LUZP2: variants seen among roughly 807,000 people sequenced by gnomAD.
The protein encoded by LUZP2 is leucine zipper protein 2.
A neutral mutation model predicts 51.6 loss-of-function variants in LUZP2; 52 were observed. That is an observed-to-expected ratio of 1.01 (90% confidence interval 0.81 to 1.27). LUZP2 has a LOEUF of 1.27. Among genes scored for constraint, LUZP2 ranks in the 50% most tolerant of loss-of-function variants. The pLI is 0.00. For missense variants in LUZP2, 436 were observed against 395.4 expected (o/e 1.10, Z -0.87); for synonymous variants, 154 against 137.3 (o/e 1.12, Z -0.85).
chr11:24,938,470 T>C (rs1466551311), intron 7 of LUZP2, among the ~76,000 whole-genome samples: 2 of 152,226 alleles, frequency 1.3e-5, no homozygotes, highest in Non-Finnish European at 2.9e-5. Flanking sequence ...AATTTGGTTT[T>C]ATACTTTGTT....
chr11:24,738,734 G>A (rs547411708), intron 4 of LUZP2, among the ~76,000 whole-genome samples: 23 of 151,954 alleles, frequency 1.5e-4, no homozygotes, highest in Non-Finnish European at 2.9e-4. Context: ...TTATTCTAAT[G>A]CATCCCCAAA....
chr11:24,777,977 T>C (rs1213382139), intron 5 of LUZP2, among the ~76,000 whole-genome samples: 1 of 152,170 alleles, frequency 6.6e-6, no homozygotes, highest in Non-Finnish European at 1.5e-5. Flanking sequence ...AGGCACTTGA[T>C]AAATACTTGT....
chr11:24,837,302 T>C lies in LUZP2; in HGVS notation c.397-68689T>C, dbSNP rs141371331. Among the ~76,000 whole-genome samples, 1,117 of 151,866 alleles carry C rather than the reference T, an allele frequency of 7.4e-3. 9 individuals carry two copies. Among genetic ancestry groups the C allele is most frequent in the Middle Eastern group, 0.051 (15 of 294 alleles). On this transcript the variant is annotated intron_variant, in intron 5 of 11. Coordinates refer to ENST00000336930, the MANE Select transcript of LUZP2 (RefSeq NM_001009909.4). ...AGAACACAAAACAGATTTCAAGGCTTATTTGGACAAGAGGTAGTTACTCAT... is the reference window on the plus strand; with the variant it reads ...AGAACACAAAACAGATTTCAAGGCTCATTTGGACAAGAGGTAGTTACTCAT...
At position 24,826,190 on chromosome 11, in the gene LUZP2, A is replaced by AAAAAAATAT. The variant is rs1215786412; in HGVS notation, c.396+62883_396+62884insAAAAATATA. On this transcript the variant is annotated intron_variant, in intron 5 of 11. Transcript: ENST00000336930. ...GACTCCATCTCAAAAAAAAAAAAAA[A>AAAAAAATAT]ATATATATATATATATATAGTAAAA... Among the ~76,000 whole-genome samples, 71 of 67,546 alleles carry AAAAAAATAT rather than the reference A, an allele frequency of 1.1e-3. 1 individual carries two copies. Among genetic ancestry groups the AAAAAAATAT allele is most frequent in the South Asian group, 3.7e-3 (7 of 1,890 alleles). The allele number at this position is 67,546 out of a possible 152,430, so 44.3% of individuals were successfully genotyped here.
chr11:24,748,366 A>G (rs910793090), intron 4 of LUZP2, among the ~76,000 whole-genome samples: 23 of 151,902 alleles, frequency 1.5e-4, no homozygotes, highest in African/African-American at 2.9e-4. Context: ...CCCTTTCCCA[A>G]TTCCACGGTT....
At chr11:24,609,658 G>A (rs1854049528) in intron 1 of LUZP2, among the ~76,000 whole-genome samples, 1 of 147,296 alleles carries the variant, frequency 6.8e-6, no homozygotes, top group Non-Finnish European at 1.5e-5. Context: ...TTAACCCTGG[G>A]GGCGGAGGTT....
intron 1 of LUZP2, among the ~76,000 whole-genome samples, chr11:24,599,170 T>C (rs943845030): frequency 2.6e-5 from 4 of 152,174 alleles, no homozygotes; most frequent in Admixed American, 1.3e-4. Flanking sequence ...AAGATAGTCA[T>C]GCTTTAGGTC....
At chr11:24,575,816 G>A (rs1389915520) in intron 1 of LUZP2, among the ~76,000 whole-genome samples, 1 of 151,894 alleles carries the variant, frequency 6.6e-6, no homozygotes, top group Admixed American at 6.6e-5. Context: ...CAGCATTTTT[G>A]CCTTTCTCTC....
chr11:24,970,510 T>G (rs1313665859), intron 7 of LUZP2, among the ~76,000 whole-genome samples: 1 of 152,150 alleles, frequency 6.6e-6, no homozygotes, highest in Non-Finnish European at 1.5e-5. Context: ...AAAAATTGTA[T>G]CAAAGAGTTA....
rs1856290191 is a variant in LUZP2 at position 24,989,959 on chromosome 11, G to T, written c.765+6666G>T. 2.0e-5 allele frequency among the ~76,000 whole-genome samples: 3 copies of T among 152,030 alleles called. No individual in the cohort carries two copies. In the South Asian group the frequency reaches 6.2e-4, roughly 32 times the overall value. ...TTTTCCATCAGTTCCTAATCACTGG[G>T]CACCTAAATTGCAATTGTCATCTGT... is the stretch of plus-strand genomic sequence containing the variant. On this transcript the variant is annotated intron_variant, in intron 9 of 11. Coordinates refer to ENST00000336930, the MANE Select transcript of LUZP2 (RefSeq NM_001009909.4).
chr11:24,539,526 T>C (rs1851289482), intron 1 of LUZP2, among the ~76,000 whole-genome samples: 1 of 151,984 alleles, frequency 6.6e-6, no homozygotes, highest in Admixed American at 6.6e-5. Flanking sequence ...GCATACACTA[T>C]GCTTTTATAA....
chr11:24,656,392 G>A (rs1194490565), intron 1 of LUZP2, among the ~76,000 whole-genome samples: 1 of 152,176 alleles, frequency 6.6e-6, no homozygotes, highest in Non-Finnish European at 1.5e-5. Context: ...GGTAGATAGA[G>A]GCTTGGTTAC....
chr11:24,499,011 G>A (rs896542176), intron 1 of LUZP2, among the ~76,000 whole-genome samples: 1 of 151,958 alleles, frequency 6.6e-6, no homozygotes, highest in African/African-American at 2.4e-5. Flanking sequence ...TCTAATACAG[G>A]GTCAAAAAGC....
intron 1 of LUZP2, among the ~76,000 whole-genome samples, chr11:24,617,271 A>G (rs1437596497): frequency 1.3e-5 from 2 of 148,236 alleles, no homozygotes; most frequent in African/African-American, 5.0e-5. Context: ...TTGAGTTTTT[A>G]ACTTTGTTTT....
At chr11:24,984,219 C>T (rs1434890083) in intron 9 of LUZP2, among the ~76,000 whole-genome samples, 2 of 151,382 alleles carry the variant, frequency 1.3e-5, no homozygotes, top group Non-Finnish European at 3.0e-5. Context: ...ACCACTAATG[C>T]AAATACCTAA....
intron 1 of LUZP2, among the ~76,000 whole-genome samples, chr11:24,706,053 A>C (rs1453104618): frequency 6.6e-6 from 1 of 152,070 alleles, no homozygotes; most frequent in African/African-American, 2.4e-5. Context: ...CAATGAAAAA[A>C]TTTTCACTGT....
At chr11:24,940,851 A>G (rs969689121) in intron 7 of LUZP2, among the ~76,000 whole-genome samples, 3 of 152,154 alleles carry the variant, frequency 2.0e-5, no homozygotes, top group African/African-American at 4.8e-5. Context: ...TCACTACTCT[A>G]CAGAAGTGGT....
chr11:24,893,911 T>A (rs570735726), intron 5 of LUZP2, among the ~76,000 whole-genome samples: 1 of 152,292 alleles, frequency 6.6e-6, no homozygotes, highest in South Asian at 2.1e-4. Flanking sequence ...AGACTAATTA[T>A]AAACCTGCTT....
chr11:24,635,177 T>G (rs1437144490), intron 1 of LUZP2, among the ~76,000 whole-genome samples: 1 of 148,432 alleles, frequency 6.7e-6, no homozygotes, highest in African/African-American at 2.4e-5. Flanking sequence ...ACCCTTTAAA[T>G]AAATACAAAT....
Sources: allele counts gnomAD v4.1 joint callset (sites outside exome capture counted in the v4.1 genomes callset), GRCh38; gene constraint gnomAD v4.1.1; transcripts MANE v1.5; gene names NCBI Gene and HGNC (gene_info 2026-07-23, HGNC 2026-07-21).